Variants in WSCD2 observed in about 807,000 individuals in gnomAD.
The protein encoded by WSCD2 is sialate:O-sulfotransferase 2.
In WSCD2, 28 loss-of-function variants were observed where a neutral mutation model predicts 55.7. The ratio of observed to expected loss-of-function variants is 0.50; its 90% confidence interval spans 0.37 to 0.69. WSCD2 has a LOEUF of 0.69. WSCD2 is among the 30% of genes least tolerant of loss of function. The pLI, the probability that WSCD2 is intolerant of heterozygous loss-of-function variation, is 0.00. For synonymous variants in WSCD2, 301 were observed against 301.9 expected, an observed-to-expected ratio of 1.00 and a Z score of 0.03; for missense variants, 616 against 762.1, an observed-to-expected ratio of 0.81 and a Z score of 2.26.
At chr12:108,220,791 G>A (rs1887424183) in intron 4 of WSCD2, among the ~76,000 whole-genome samples, 1 of 152,054 alleles carries the variant, frequency 6.6e-6, no homozygotes, top group African/African-American at 2.4e-5. Context: ...TCCTGCTTTG[G>A]CCTCCTAAAG....
intron 8 of WSCD2, among the ~76,000 whole-genome samples, 154 bp downstream of exon 8, chr12:108,240,698 C>G (rs1025335762): frequency 2.0e-5 from 3 of 152,174 alleles, no homozygotes; most frequent in Non-Finnish European, 4.4e-5. Context: ...GTGTCATGCT[C>G]CAGTCCTTGC....
chr12:108,228,004 C>T (rs909894745), intron 6 of WSCD2, among the ~76,000 whole-genome samples: 2 of 151,894 alleles, frequency 1.3e-5, no homozygotes, highest in East Asian at 3.9e-4. Flanking sequence ...TCATTAAATC[C>T]CCTCAACTCT....
intron 2 of WSCD2, among the ~76,000 whole-genome samples, chr12:108,197,647 G>A (rs147389799): frequency 7.9e-5 from 12 of 152,108 alleles, no homozygotes; most frequent in African/African-American, 1.4e-4. Flanking sequence ...GGGATCTCCC[G>A]GGGTATCATC....
rs866475782 is a variant in WSCD2, at chr12:108,232,686, A to G, written c.980-45A>G. 1.4e-5 allele frequency: 21 copies of G among 1,554,004 alleles called. No homozygotes were observed. The Middle Eastern group carries it at 3.0e-3, about 225-fold the overall frequency. ...ACCCTGGCCCTTTCAGACAGGCTCC[A>G]TCTGCCCCTGGTGTTGACCTCTGTC... is the stretch of plus-strand genomic sequence containing the variant. On this transcript the variant is annotated intron_variant, in intron 6 of 8. Coordinates refer to ENST00000547525, the MANE Select transcript of WSCD2 (RefSeq NM_014653.4).
Position 108,248,640 on chromosome 12 carries a change from G to A in WSCD2, c.*297G>A. 2 of 1,124,326 alleles carry A rather than the reference G, an allele frequency of 1.8e-6. No homozygotes were observed. Among genetic ancestry groups the A allele is most frequent in the Non-Finnish European group, 2.2e-6 (2 of 914,962 alleles). 69.6% of individuals were successfully genotyped at this position (1,124,326 alleles called of 1,614,324 possible). A position where few individuals can be genotyped will look rare whatever the true frequency, so the allele number is the denominator to read the frequency against. Reference sequence around the variant, plus strand: ...CCTGGGTCCCTGCCCCCACCACTCTGGGTTCCATTTGTGGGAGGGAGGGCT... The same window carrying A: ...CCTGGGTCCCTGCCCCCACCACTCTAGGTTCCATTTGTGGGAGGGAGGGCT... On this transcript the variant is annotated 3_prime_UTR_variant, in exon 9 of 9. Transcript: ENST00000547525. The surrounding 1 kb of genome is among the most constrained non-coding windows in gnomAD (Gnocchi z 4.3).
intron 3 of WSCD2, among the ~76,000 whole-genome samples, chr12:108,209,504 G>A (rs536391282): frequency 6.6e-5 from 10 of 152,234 alleles, no homozygotes; most frequent in South Asian, 2.1e-4. Flanking sequence ...GGTGTACCAT[G>A]AGCAGGTGTG....
At chr12:108,184,207 G>GT in intron 1 of WSCD2, among the ~76,000 whole-genome samples, 1 of 152,236 alleles carries the variant, frequency 6.6e-6, no homozygotes, top group Non-Finnish European at 1.5e-5. Context: ...AGAGCTGGCA[G>GT]TAGGTGCTGG....
At chr12:108,224,881 A>G (rs770314152) in intron 5 of WSCD2, 21 bp downstream of exon 5, 4 of 1,609,550 alleles carry the variant, frequency 2.5e-6, no homozygotes, top group Non-Finnish European at 1.7e-6. Context: ...GGTGGGGCCC[A>G]TGGAACTCAG....
chr12:108,201,999 C>T (rs926088577), intron 2 of WSCD2, among the ~76,000 whole-genome samples: 3 of 152,124 alleles, frequency 2.0e-5, no homozygotes, highest in Admixed American at 6.5e-5. Flanking sequence ...CATTAATCCA[C>T]CCTCAAGTGG....
chr12:108,226,405 G>C (rs931095768), intron 5 of WSCD2, among the ~76,000 whole-genome samples: 1 of 152,082 alleles, frequency 6.6e-6, no homozygotes, highest in Non-Finnish European at 1.5e-5. Flanking sequence ...GACTCAGACA[G>C]CTTTTCCCAA....
intron 1 of WSCD2, among the ~76,000 whole-genome samples, chr12:108,167,102 G>A (rs1421285428): frequency 2.0e-5 from 3 of 152,112 alleles, no homozygotes; most frequent in South Asian, 2.1e-4. Context: ...ATGAGCCACA[G>A]TGGCCGGACT....
intron 4 of WSCD2, among the ~76,000 whole-genome samples, chr12:108,212,174 G>A (rs1886274227): frequency 6.6e-6 from 1 of 152,162 alleles, no homozygotes; most frequent in African/African-American, 2.4e-5. Flanking sequence ...CCATAGAGTG[G>A]CTTTGTGGTT....
intron 1 of WSCD2, among the ~76,000 whole-genome samples, chr12:108,141,012 G>A (rs1194991337): frequency 6.6e-6 from 1 of 152,228 alleles, no homozygotes; most frequent in Non-Finnish European, 1.5e-5. Flanking sequence ...GTAGTGGCTT[G>A]AGCAAGACAA....
chr12:108,183,171 G>C (rs1317419803), intron 1 of WSCD2, among the ~76,000 whole-genome samples: 1 of 152,198 alleles, frequency 6.6e-6, no homozygotes, highest in Non-Finnish European at 1.5e-5. Flanking sequence ...GACTTTTCAA[G>C]ACAGGTGCTT....
intron 7 of WSCD2, among the ~76,000 whole-genome samples, chr12:108,235,941 C>T (rs1160484922): frequency 6.6e-6 from 1 of 152,188 alleles, no homozygotes; most frequent in African/African-American, 2.4e-5. Context: ...GCTAACCCTG[C>T]CCAGTCTCTC....
At chr12:108,178,684 G>A (rs1218445135) in intron 1 of WSCD2, among the ~76,000 whole-genome samples, 1 of 152,060 alleles carries the variant, frequency 6.6e-6, no homozygotes, top group Non-Finnish European at 1.5e-5. Flanking sequence ...TCCATTCACA[G>A]TAACAGCAAC....
intron 1 of WSCD2, among the ~76,000 whole-genome samples, chr12:108,160,724 A>T (rs1878974694): frequency 6.6e-6 from 1 of 152,180 alleles, no homozygotes; most frequent in African/African-American, 2.4e-5. Context: ...GTCAGATATG[A>T]TATATGATGT....
At chr12:108,244,731 G>T in intron 8 of WSCD2, 2 of 654,014 alleles carry the variant, frequency 3.1e-6, no homozygotes, top group Non-Finnish European at 5.6e-6. Context: ...ACAGACCCCA[G>T]GTCTCAGACA....
At chr12:108,165,208 A>G (rs1879488750) in intron 1 of WSCD2, among the ~76,000 whole-genome samples, 2 of 152,076 alleles carry the variant, frequency 1.3e-5, no homozygotes, top group African/African-American at 4.8e-5. Flanking sequence ...GCAGATTTTA[A>G]CCCTGGATCT....
Sources: allele counts gnomAD v4.1 joint callset (sites outside exome capture counted in the v4.1 genomes callset), GRCh38; gene constraint gnomAD v4.1.1; non-coding constraint Gnocchi (gnomAD v3.1); transcripts MANE v1.5; gene names NCBI Gene and HGNC (gene_info 2026-07-23, HGNC 2026-07-21).